The following RELN variants were observed in gnomAD, a reference collection of about 807,000 sequenced individuals.
RELN encodes reelin.
A neutral mutation model predicts 427.6 loss-of-function variants in RELN; 108 were observed. The observed-to-expected ratio is 0.25, with a 90% CI of 0.22 to 0.30. RELN has a LOEUF of 0.30. RELN is among the 10% of genes least tolerant of loss of function. RELN has a pLI of 1.00. For synonymous variants in RELN, 1,524 were observed against 1,513.4 expected, an observed-to-expected ratio of 1.01 and a Z score of -0.16; for missense variants, 3,715 against 4,302.8, an observed-to-expected ratio of 0.86 and a Z score of 3.82.
chr7:103,838,448 A>G (rs1314006581), intron 2 of RELN, among the ~76,000 whole-genome samples: 1 of 152,170 alleles, frequency 6.6e-6, no homozygotes, highest in Non-Finnish European at 1.5e-5. Flanking sequence ...TCTTTTTCCC[A>G]TGCAAGACTC....
chr7:103,940,530 C>T (rs576608981), intron 1 of RELN, among the ~76,000 whole-genome samples: 12 of 152,272 alleles, frequency 7.9e-5, no homozygotes, highest in South Asian at 4.1e-4. Context: ...TCCTGTCTTG[C>T]GACTATCTCT....
intron 2 of RELN, among the ~76,000 whole-genome samples, chr7:103,863,284 G>C (rs1794115178): frequency 6.6e-6 from 1 of 152,084 alleles, no homozygotes; most frequent in Non-Finnish European, 1.5e-5. Context: ...AGACATTTTT[G>C]ACACATGAAC....
chr7:103,671,753 G>A (rs1833397684), intron 11 of RELN, among the ~76,000 whole-genome samples: 1 of 152,066 alleles, frequency 6.6e-6, no homozygotes, highest in African/African-American at 2.4e-5. Flanking sequence ...TAAACTGTCT[G>A]CACTTTATCT....
intron 21 of RELN, 118 bp from the exon 22 acceptor site, chr7:103,610,925 T>C: frequency 1.4e-6 from 1 of 709,218 alleles, no homozygotes; most frequent in African/African-American, 1.7e-5. Context: ...TAATCTTAAC[T>C]ATTTGTGATA....
chr7:103,978,504 A>C (rs1796926798), intron 1 of RELN, among the ~76,000 whole-genome samples: 1 of 152,164 alleles, frequency 6.6e-6, no homozygotes, highest in Admixed American at 6.6e-5. Context: ...ATATTTGCAG[A>C]GCTTCTATAT....
At position 103,518,505 on chromosome 7, in the gene RELN, GTTTT is replaced by G. The variant is rs58239018; in HGVS notation, c.7862+814_7862+817del. The stretch of plus-strand genomic sequence containing the variant: ...ATGCCACCACACCCAGGTAATTTAA[GTTTT>G]TTTTTTTTTTGGTAAAATGTCTTGC... On this transcript the variant is annotated intron_variant, in intron 49 of 64. Transcript: ENST00000428762. 2.3e-4 allele frequency among the ~76,000 whole-genome samples: 26 copies of G among 114,406 alleles called. 1 individual carries two copies. Among genetic ancestry groups the G allele is most frequent in the African/African-American group, 1.1e-3 (25 of 21,832 alleles). The allele number at this position is 114,406 out of a possible 152,430, so 75.1% of individuals were successfully genotyped here. A position where few individuals can be genotyped will look rare whatever the true frequency, so the allele number is the denominator to read the frequency against.
In RELN at chr7:103,565,370, A is replaced by G. The variant is rs762760278; in HGVS notation, c.5118T>C (p.Ile1706=). The G allele has an allele frequency of 3.1e-6, 5 of 1,614,086 alleles. No homozygotes were observed. The highest frequency in any genetic ancestry group is 4.2e-6 in the Non-Finnish European group (5 of 1,179,978). ...AACTTTCCGTGTAATGCAGACAGCCAATGGTTGGAGGAACACACTCTTCGG... is the reference window on the plus strand; with the variant it reads ...AACTTTCCGTGTAATGCAGACAGCCGATGGTTGGAGGAACACACTCTTCGG... The part of the protein sequence containing the change: ...LVTEECVPPT[I]GCLHYTESSI... Residue 1706 remains isoleucine (I), a synonymous_variant, in exon 34 of 65, where the codon ATT becomes ATC. Transcript: ENST00000428762.
intron 1 of RELN, among the ~76,000 whole-genome samples, chr7:103,979,580 T>C (rs922829335): frequency 1.3e-5 from 2 of 152,176 alleles, no homozygotes; most frequent in Non-Finnish European, 2.9e-5. Flanking sequence ...TGTTATCCCA[T>C]TGGGTTTATA....
intron 1 of RELN, among the ~76,000 whole-genome samples, chr7:103,936,952 T>C (rs978554104): frequency 3.3e-5 from 5 of 152,236 alleles, no homozygotes; most frequent in Admixed American, 3.3e-4. Context: ...TTTTATTTCA[T>C]TTGTTCTTTT....
At chr7:103,869,423 C>G (rs186827553) in intron 2 of RELN, among the ~76,000 whole-genome samples, 3 of 152,000 alleles carry the variant, frequency 2.0e-5, no homozygotes, top group Admixed American at 2.0e-4. Context: ...AGAATGTTGT[C>G]TAGAATCCCC....
chr7:103,989,616 GCGC>G lies in RELN; in HGVS notation c.-263_-261del, dbSNP rs1234635414. Reference sequence around the variant, plus strand: ...AGAGCGCGTCGTCTGCCGCCTCCGTGCGCCGCCGCCGCCTCTGCGCGACGCCCC... The same window carrying G: ...AGAGCGCGTCGTCTGCCGCCTCCGTGCGCCGCCGCCTCTGCGCGACGCCCC... On this transcript the variant is annotated 5_prime_UTR_variant, in exon 1 of 65. Coordinates refer to ENST00000428762, the MANE Select transcript of RELN (RefSeq NM_005045.4). This position sits in a 1 kb window ranked among gnomAD's most constrained non-coding sequence, Gnocchi z 4.9. The G allele has an allele frequency of 2.4e-5, 8 of 337,730 alleles. No individual in the cohort carries two copies. Among genetic ancestry groups the G allele is most frequent in the Non-Finnish European group, 2.6e-5 (5 of 193,696 alleles). The allele number at this position is 337,730 out of a possible 1,614,324, so 20.9% of individuals were successfully genotyped here.
At chr7:103,701,515 A>C (rs889774790) in intron 8 of RELN, among the ~76,000 whole-genome samples, 31 of 152,288 alleles carry the variant, frequency 2.0e-4, no homozygotes, top group African/African-American at 6.5e-4. Flanking sequence ...GAGTACTCTT[A>C]TGGATGTGAT....
intron 1 of RELN, among the ~76,000 whole-genome samples, chr7:103,928,805 T>C (rs1363287841): frequency 6.8e-6 from 1 of 147,480 alleles, no homozygotes; most frequent in Non-Finnish European, 1.5e-5. Flanking sequence ...TGAGCCAACA[T>C]TGCAGGGGAT....
chr7:103,528,422 C>A (rs1248178885), intron 46 of RELN, among the ~76,000 whole-genome samples: 10 of 151,100 alleles, frequency 6.6e-5, no homozygotes, highest in African/African-American at 2.2e-4. Flanking sequence ...TATAGGATTT[C>A]TTTTAGTGGG....
At chr7:103,743,008 G>C (rs908846020) in intron 6 of RELN, among the ~76,000 whole-genome samples, 1 of 150,578 alleles carries the variant, frequency 6.6e-6, no homozygotes, top group East Asian at 1.9e-4. Context: ...AGGGCAGCCA[G>C]AGAGAAAGGT....
chr7:103,864,658 G>C (rs1027219735), intron 2 of RELN, among the ~76,000 whole-genome samples: 8 of 152,040 alleles, frequency 5.3e-5, no homozygotes, highest in Middle Eastern at 3.4e-3. Flanking sequence ...TATACCTTAA[G>C]GAACTAGAAA....
chr7:103,797,491 A>C (rs966679129), intron 3 of RELN, among the ~76,000 whole-genome samples: 14 of 152,070 alleles, frequency 9.2e-5, no homozygotes, highest in Admixed American at 6.6e-5. Context: ...CTTTTCACCC[A>C]ACTTTCCCTA....
rs2711883 is a variant in RELN, at chr7:103,496,897, C to T, written c.8951-129G>A. On this transcript the variant is annotated intron_variant, in intron 55 of 64. Coordinates refer to ENST00000428762, the MANE Select transcript of RELN (RefSeq NM_005045.4). ...CAGCCAGGAAATGACAACTGATTTT[C>T]CTGACTTTGATATTAGGTATTCACT... 0.21 allele frequency: 214,424 copies of T among 1,013,868 alleles called. 24,113 individuals are homozygous for T. Among genetic ancestry groups the T allele is most frequent in the East Asian group, 0.33 (13,374 of 40,806 alleles). The allele number at this position is 1,013,868 out of a possible 1,614,324, so 62.8% of individuals were successfully genotyped here.
At chr7:103,644,084 C>T (rs1832747596) in intron 16 of RELN, among the ~76,000 whole-genome samples, 1 of 151,592 alleles carries the variant, frequency 6.6e-6, no homozygotes, top group Non-Finnish European at 1.5e-5. Flanking sequence ...ACACAGCATA[C>T]ATTATAGTCA....
Sources: allele counts gnomAD v4.1 joint callset (sites outside exome capture counted in the v4.1 genomes callset), GRCh38; gene constraint gnomAD v4.1.1; non-coding constraint Gnocchi (gnomAD v3.1); transcripts MANE v1.5; gene names NCBI Gene and HGNC (gene_info 2026-07-23, HGNC 2026-07-21).